Variants in FAM184A observed in about 807,000 individuals in gnomAD.
The protein encoded by FAM184A is protein FAM184A.
Under a neutral mutation model 143.8 loss-of-function variants are expected in FAM184A, and 99 were observed. That is an observed-to-expected ratio of 0.69 (90% CI 0.58 to 0.81). The LOEUF (loss-of-function observed/expected upper bound fraction) is 0.81, where lower values mean the gene tolerates loss of function less well. Among genes scored for constraint, FAM184A ranks in the 40% least tolerant of loss-of-function variants. FAM184A has a pLI of 0.00. For synonymous variants in FAM184A, 427 were observed against 446.4 expected (o/e 0.96, Z 0.55); for missense variants, 1,217 against 1,310.5 (o/e 0.93, Z 1.10).
At chr6:119,038,497 A>G (rs1055606476) in intron 1 of FAM184A, among the ~76,000 whole-genome samples, 4 of 151,820 alleles carry the variant, frequency 2.6e-5, no homozygotes, top group Admixed American at 6.6e-5. Flanking sequence ...CAGGAGAGTG[A>G]CCTCTGGCTG....
At position 119,043,572 on chromosome 6, in the gene FAM184A, G is replaced by GGAACAAAAGCCATAAGCT. The variant is rs573100246; in HGVS notation, c.160-18777_160-18760dup. 4.8e-3 allele frequency among the ~76,000 whole-genome samples: 736 copies of GGAACAAAAGCCATAAGCT among 152,258 alleles called. 9 individuals are homozygous for GGAACAAAAGCCATAAGCT. The highest frequency in any genetic ancestry group is 0.017 in the African/African-American group (709 of 41,534). On this transcript the variant is annotated intron_variant, in intron 1 of 17. Transcript: ENST00000338891. ...AACTACCCAGATCCTTCTCATCTAA[G>GGAACAAAAGCCATAAGCT]GAACAAAAGCCATAAGCTACTAGGG... is the stretch of plus-strand genomic sequence containing the variant.
chr6:119,130,866 T>C lies in FAM184A; in HGVS notation c.-202+18212A>G, dbSNP rs540112559. ...ATTGTATTTCTTTTTTTCTTTTTTTTTTTTTTTTTGAGATGGAGTCTCGCT... is the reference window on the plus strand; with the variant it reads ...ATTGTATTTCTTTTTTTCTTTTTTTCTTTTTTTTTGAGATGGAGTCTCGCT... On this transcript the variant is annotated intron_variant, in intron 1 of 16. Coordinates refer to the FAM184A transcript ENST00000352896. Among the ~76,000 whole-genome samples the C allele has an allele frequency of 8.7e-5, 13 of 149,578 alleles. No individual in the cohort carries two copies. The South Asian group carries it at 1.3e-3, about 15-fold the overall frequency.
intron 9 of FAM184A, among the ~76,000 whole-genome samples, chr6:119,000,223 T>G (rs1051329597): frequency 3.3e-5 from 5 of 152,198 alleles, no homozygotes; most frequent in Admixed American, 1.3e-4. Context: ...TGATGGCATT[T>G]TAAAATCACA....
intron 9 of FAM184A, among the ~76,000 whole-genome samples, chr6:118,988,580 A>G (rs1270134608): frequency 6.6e-6 from 1 of 152,278 alleles, no homozygotes; most frequent in African/African-American, 2.4e-5. Flanking sequence ...TTGACTGACC[A>G]TATAATTTGG....
intron 9 of FAM184A, among the ~76,000 whole-genome samples, chr6:118,984,137 C>A (rs1409226446): frequency 2.5e-5 from 3 of 118,222 alleles, no homozygotes; most frequent in Admixed American, 1.0e-4. Flanking sequence ...GCAATGATAA[C>A]GAAACTCCAT....
At chr6:119,093,035 G>T (rs1239092652) in intron 1 of FAM184A, among the ~76,000 whole-genome samples, 1 of 152,152 alleles carries the variant, frequency 6.6e-6, no homozygotes, top group Non-Finnish European at 1.5e-5. Flanking sequence ...TTTAAGTGCA[G>T]CTACCTGGAC....
intron 9 of FAM184A, among the ~76,000 whole-genome samples, chr6:118,998,924 T>G (rs1784655889): frequency 6.6e-6 from 1 of 152,212 alleles, no homozygotes; most frequent in Non-Finnish European, 1.5e-5. Flanking sequence ...CAACTTAATA[T>G]TTTAAGAGCA....
At chr6:119,048,653 C>T (rs1273165981) in intron 1 of FAM184A, among the ~76,000 whole-genome samples, 1 of 152,036 alleles carries the variant, frequency 6.6e-6, no homozygotes, top group Non-Finnish European at 1.5e-5. Context: ...GAATAAAATA[C>T]CTAAGAATAC....
At chr6:119,071,613 G>A (rs1267903361) in intron 1 of FAM184A, among the ~76,000 whole-genome samples, 1 of 152,102 alleles carries the variant, frequency 6.6e-6, no homozygotes, top group Non-Finnish European at 1.5e-5. Flanking sequence ...CAGATGGTAA[G>A]TAAAACATGG....
intron 2 of FAM184A, among the ~76,000 whole-genome samples, 179 bp downstream of exon 2, chr6:119,023,780 T>C (rs1785535202): frequency 6.9e-6 from 1 of 143,896 alleles, no homozygotes; most frequent in South Asian, 2.2e-4. Context: ...ATACAAATTA[T>C]CCTGTCATTG....
intron 10 of FAM184A, 72 bp downstream of exon 10, chr6:118,980,066 T>G: frequency 5.2e-6 from 7 of 1,349,302 alleles, no homozygotes; most frequent in Non-Finnish European, 5.1e-6. Flanking sequence ...GAAAAAAAAA[T>G]TTTTTTAATT....
intron 4 of FAM184A, 37 bp downstream of exon 4, chr6:119,019,941 C>T: frequency 6.8e-7 from 1 of 1,469,092 alleles, no homozygotes; most frequent in Non-Finnish European, 9.0e-7. Flanking sequence ...AAAAACGGAA[C>T]TCTTTCGGGG....
intron 9 of FAM184A, among the ~76,000 whole-genome samples, chr6:118,983,920 G>A (rs918105041): frequency 1.3e-4 from 20 of 151,470 alleles, no homozygotes; most frequent in South Asian, 2.1e-4. Context: ...AGGCCGAGAC[G>A]GGTGGATCAC....
intron 3 of FAM184A, among the ~76,000 whole-genome samples, chr6:119,021,186 C>T (rs1785433457): frequency 6.6e-6 from 1 of 152,092 alleles, no homozygotes; most frequent in Non-Finnish European, 1.5e-5. Context: ...CTCCAATGTG[C>T]ACTAAAGGCT....
chr6:119,048,676 C>T (rs1294337337), intron 1 of FAM184A, among the ~76,000 whole-genome samples: 2 of 152,104 alleles, frequency 1.3e-5, no homozygotes, highest in African/African-American at 2.4e-5. Flanking sequence ...GTACACAAAA[C>T]ATCCCGTTCT....
At chr6:119,124,754 A>G (rs201841071) in intron 1 of FAM184A, among the ~76,000 whole-genome samples, 3 of 34,354 alleles carry the variant, frequency 8.7e-5, no homozygotes, top group Non-Finnish European at 1.7e-4. Context: ...CTATGGCCCT[A>G]ATTTTTTTTT....
At chr6:119,051,714 T>C (rs1325663574) in intron 1 of FAM184A, among the ~76,000 whole-genome samples, 1 of 152,140 alleles carries the variant, frequency 6.6e-6, no homozygotes, top group Non-Finnish European at 1.5e-5. Flanking sequence ...AAGAATATCC[T>C]GCTATTGGTT....
At chr6:119,060,887 G>T (rs1294512132) in intron 1 of FAM184A, among the ~76,000 whole-genome samples, 1 of 152,152 alleles carries the variant, frequency 6.6e-6, no homozygotes, top group Non-Finnish European at 1.5e-5. Context: ...AAGCCGATGT[G>T]CTTCTTGTAC....
At chr6:119,065,427 G>A (rs950152480) in intron 1 of FAM184A, among the ~76,000 whole-genome samples, 4 of 152,176 alleles carry the variant, frequency 2.6e-5, no homozygotes, top group Non-Finnish European at 5.9e-5. Flanking sequence ...GTGACTCCTC[G>A]ATTTCTGAAT....
Sources: allele counts gnomAD v4.1 joint callset (sites outside exome capture counted in the v4.1 genomes callset), GRCh38; gene constraint gnomAD v4.1.1; transcripts MANE v1.5; gene names NCBI Gene and HGNC (gene_info 2026-07-23, HGNC 2026-07-21).